FNDC8: variants seen among roughly 807,000 people sequenced by gnomAD.
FNDC8 encodes fibronectin type III domain containing 8.
FNDC8 carries 23 observed loss-of-function variants against 24.8 expected under a neutral mutation model. That is an observed-to-expected ratio of 0.93 (90% confidence interval 0.67 to 1.31). The LOEUF is 1.31. FNDC8 is among the 40% of genes most tolerant of loss of function. FNDC8 has a pLI of 0.00. For missense variants in FNDC8, 371 were observed against 398.2 expected (o/e 0.93, Z 0.58); for synonymous variants, 158 against 165.3 (o/e 0.96, Z 0.34).
At chr17:35,128,251 A>G (rs1276777888) in intron 2 of FNDC8, among the ~76,000 whole-genome samples, 1 of 152,264 alleles carries the variant, frequency 6.6e-6, no homozygotes. Flanking sequence ...CAATGTCAGC[A>G]TCACTCAGCA....
Position 35,130,436 on chromosome 17 carries a change from G to A in FNDC8, c.*2G>A, listed in dbSNP as rs141830915. On this transcript the variant is annotated 3_prime_UTR_variant, in exon 4 of 4. Transcript: ENST00000158009. ...CTGGAATACCTATTTCCCTGTTAAGGGGGAGGGCCCCAGGACACCCCTCAC... is the reference window on the plus strand; with the variant it reads ...CTGGAATACCTATTTCCCTGTTAAGAGGGAGGGCCCCAGGACACCCCTCAC... The A allele has an allele frequency of 1.4e-5, 23 of 1,613,194 alleles. No homozygotes were observed. The African/African-American group carries it at 2.4e-4, about 17-fold the overall frequency.
At chr17:35,125,689 A>G (rs993709665) in intron 1 of FNDC8, among the ~76,000 whole-genome samples, 10 of 152,344 alleles carry the variant, frequency 6.6e-5, no homozygotes, top group African/African-American at 2.4e-4. Context: ...TTTAAACTTT[A>G]CTGTACTCAT....
rs766384467 is a variant in FNDC8 at position 35,129,475 on chromosome 17, G to C, written c.639G>C (p.Leu213=). The C allele has an allele frequency of 1.9e-6, 3 of 1,614,206 alleles. No individual in the cohort carries two copies. Among genetic ancestry groups the C allele is most frequent in the Non-Finnish European group, 2.5e-6 (3 of 1,180,034 alleles). ...GKQPVSFYQL[L]LQEVAKTQEN... Reference sequence around the variant, plus strand: ...AGCCGGTCAGTTTCTACCAGCTCCTGTTACAGGAGGTGGCCAAGACACAGG... The same window carrying C: ...AGCCGGTCAGTTTCTACCAGCTCCTCTTACAGGAGGTGGCCAAGACACAGG... The change falls in exon 3 of 4, where the codon CTG becomes CTC. Residue 213 remains leucine (L), a synonymous_variant. Coordinates refer to ENST00000158009, the MANE Select transcript of FNDC8 (RefSeq NM_017559.4).
At position 35,129,500 on chromosome 17, in the gene FNDC8, G is replaced by C; in HGVS notation, c.664G>C (p.Glu222Gln). The C allele has an allele frequency of 6.2e-7, 1 of 1,614,208 alleles. No individual in the cohort carries two copies. The highest frequency in any genetic ancestry group is 8.5e-7 in the Non-Finnish European group (1 of 1,180,038). The stretch of plus-strand genomic sequence containing the variant: ...GTTACAGGAGGTGGCCAAGACACAG[G>C]AGAATGAGTTGCCCGAGGCAAAGAA... ...LLLQEVAKTQENELPEAKNRP... is the reference protein window; with the variant it reads ...LLLQEVAKTQQNELPEAKNRP... Residue 222 changes from glutamate to glutamine, a missense_variant, in exon 3 of 4, where the codon GAG becomes CAG. Transcript: ENST00000158009.
intron 1 of FNDC8, among the ~76,000 whole-genome samples, chr17:35,126,791 C>T (rs371614882): frequency 1.3e-5 from 2 of 152,238 alleles, no homozygotes; most frequent in Non-Finnish European, 2.9e-5. Flanking sequence ...TGAGCCACTG[C>T]GCCCAGCCAG....
chr17:35,127,874 G>A (rs1335388105), intron 2 of FNDC8, among the ~76,000 whole-genome samples: 2 of 151,992 alleles, frequency 1.3e-5, no homozygotes, highest in East Asian at 3.8e-4. Context: ...GATCGAGTGA[G>A]GCTACTCAGA....
At position 35,127,350 on chromosome 17, in the gene FNDC8, C is replaced by A; in HGVS notation, c.518C>A (p.Ser173Tyr). The change falls in exon 2 of 4, where the codon TCT (serine) becomes TAT (tyrosine). Residue 173 changes from serine to tyrosine, a missense_variant. Transcript: ENST00000158009. ...TETSSTHSES[S>Y]VVVDLPDTPF... ...ACCTCCTCAACGCACTCAGAATCTT[C>A]TGTGGTTGTGGACCTGCCGGACACC... 6.2e-7 allele frequency: 1 copy of A among 1,605,946 alleles called. No homozygotes were observed. The highest frequency in any genetic ancestry group is 8.5e-7 in the Non-Finnish European group (1 of 1,176,304).
At chr17:35,122,208 AAAT>A (rs1395889321) in intron 1 of FNDC8, among the ~76,000 whole-genome samples, 1 of 9,152 alleles carries the variant, frequency 1.1e-4, no homozygotes, top group Admixed American at 1.7e-3. Context: ...ATATATATAT[AAAT>A]TTTTTTTTTT....
intron 1 of FNDC8, among the ~76,000 whole-genome samples, chr17:35,123,780 G>A (rs1366593714): frequency 3.3e-5 from 5 of 152,002 alleles, no homozygotes; most frequent in African/African-American, 1.2e-4. Flanking sequence ...AACAGATCAG[G>A]GACCCTCAGC....
At chr17:35,125,595 C>T (rs887133627) in intron 1 of FNDC8, among the ~76,000 whole-genome samples, 6 of 151,980 alleles carry the variant, frequency 3.9e-5, no homozygotes, top group African/African-American at 9.7e-5. Context: ...CATCTACAAA[C>T]GTGAAAAATA....
intron 1 of FNDC8, among the ~76,000 whole-genome samples, chr17:35,125,899 A>G (rs980940901): frequency 2.0e-5 from 3 of 152,142 alleles, no homozygotes; most frequent in Non-Finnish European, 4.4e-5. Context: ...GTTTTTGAGC[A>G]TCCACACCAA....
chr17:35,130,170 G>T, intron 3 of FNDC8, 112 bp from the exon 4 acceptor site: 1 of 1,487,012 alleles, frequency 6.7e-7, no homozygotes. Context: ...GTTGGATAAG[G>T]CTGTTTAAGG....
Position 35,121,670 on chromosome 17 carries a change from C to T in FNDC8, c.-24C>T, listed in dbSNP as rs184960064. 3.5e-4 allele frequency: 566 copies of T among 1,611,240 alleles called. No homozygotes were observed. The highest frequency in any genetic ancestry group is 4.8e-4 in the Admixed American group (29 of 59,960). On this transcript the variant is annotated 5_prime_UTR_variant, in exon 1 of 4. The change creates a new upstream start codon in the 5' untranslated region. Transcript: ENST00000158009. ...TCAGCTGGGTTGTCCTGCATGGTGA[C>T]GGGTGTCATCCCGAACAAATCAGAT...
intron 1 of FNDC8, among the ~76,000 whole-genome samples, chr17:35,124,945 G>C (rs923657122): frequency 3.3e-5 from 5 of 151,916 alleles, no homozygotes; most frequent in African/African-American, 1.2e-4. Flanking sequence ...CTACTCGGGA[G>C]GCTGAGGCAC....
chr17:35,127,782 A>T lies in FNDC8; in HGVS notation c.585+365A>T, dbSNP rs185086407. 1.2e-4 allele frequency among the ~76,000 whole-genome samples: 19 copies of T among 152,270 alleles called. No individual in the cohort carries two copies. The East Asian group carries it at 3.7e-3, about 29-fold the overall frequency. On this transcript the variant is annotated intron_variant, in intron 2 of 3. Transcript: ENST00000158009. ...CCTAGCAAAAGCTCACAGGAAAGTG[A>T]GGGAGGAAATCTCAATTTGAACAAG...
intron 1 of FNDC8, among the ~76,000 whole-genome samples, chr17:35,125,081 G>A: frequency 6.7e-6 from 1 of 150,116 alleles, no homozygotes; most frequent in Admixed American, 6.7e-5. Context: ...AGTAAAAACA[G>A]AAAAAAGAAA....
chr17:35,130,136 C>A, intron 3 of FNDC8, 146 bp from the exon 4 acceptor site: 1 of 1,447,030 alleles, frequency 6.9e-7, no homozygotes, highest in Non-Finnish European at 9.1e-7. Flanking sequence ...CATCTTTGCA[C>A]CTGTTTCCTG....
Position 35,127,098 on chromosome 17 carries a change from C to A in FNDC8, c.266C>A (p.Ala89Asp). Reference protein sequence around the residue: ...DCSSDETSISAFSSTLLNPIK... With the variant: ...DCSSDETSISDFSSTLLNPIK... ...AGCTCTGATGAGACCAGCATCTCTG[C>A]CTTCTCATCCACCTTGCTGAACCCC... Residue 89 changes from alanine (A) to aspartate (D), a missense_variant, in exon 2 of 4, where the codon GCC becomes GAC. Coordinates refer to ENST00000158009, the MANE Select transcript of FNDC8 (RefSeq NM_017559.4). 2 of 1,613,880 alleles carry A rather than the reference C, an allele frequency of 1.2e-6. No individual in the cohort carries two copies. The highest frequency in any genetic ancestry group is 1.3e-5 in the African/African-American group (1 of 75,066).
intron 1 of FNDC8, among the ~76,000 whole-genome samples, chr17:35,123,913 T>C (rs545350285): frequency 6.6e-6 from 1 of 152,294 alleles, no homozygotes; most frequent in South Asian, 2.1e-4. Context: ...GTACCAGCAT[T>C]TGCAGTAAGT....
Sources: gnomAD v4.1 joint callset for allele counts (sites outside exome capture counted in the v4.1 genomes callset) on GRCh38, gnomAD v4.1.1 for gene constraint, MANE v1.5 for transcripts, NCBI Gene and HGNC (gene_info 2026-07-23, HGNC 2026-07-21) for gene names.